COL5A1: variants seen among roughly 807,000 people sequenced by gnomAD.
The protein encoded by COL5A1 is collagen alpha-1(V) chain.
COL5A1 carries 16 observed loss-of-function variants against 263.7 expected under a neutral mutation model. That is an observed-to-expected ratio of 0.06 (90% CI 0.04 to 0.09). COL5A1 has a LOEUF of 0.09. Ranked by LOEUF, COL5A1 falls within the 10% of genes least tolerant of loss-of-function variation. COL5A1 has a pLI of 1.00. For missense variants in COL5A1, 2,036 were observed against 2,540.5 expected (o/e 0.80, Z 4.27); for synonymous variants, 1,012 against 1,004.5 (o/e 1.01, Z -0.14).
intron 64 of COL5A1, among the ~76,000 whole-genome samples, chr9:134,831,405 CCTCTCCTGCTTTT>C (rs1839619580): frequency 6.6e-6 from 1 of 152,224 alleles, no homozygotes; most frequent in African/African-American, 2.4e-5. Context: ...CTCCTCCTTT[CCTCTCCTGCTTTT>C]CCTTTTCCCC....
Position 134,686,010 on chromosome 9 carries a change from A to C in COL5A1, c.110-4902A>C, listed in dbSNP as rs969341259. Among the ~76,000 whole-genome samples, 4 of 151,888 alleles carry C rather than the reference A, an allele frequency of 2.6e-5. No homozygotes were observed. The highest frequency in any genetic ancestry group is 9.7e-5 in the African/African-American group (4 of 41,316). On this transcript the variant is annotated intron_variant, in intron 1 of 65. Transcript: ENST00000371817. The surrounding 1 kb of genome is among the most constrained non-coding windows in gnomAD (Gnocchi z 4.6). Reference sequence around the variant, plus strand: ...CATCCACCCACCCATCCATCCATTCATCCATCCATCCATTCATCCATCTAT... The same window carrying C: ...CATCCACCCACCCATCCATCCATTCCTCCATCCATCCATTCATCCATCTAT...
chr9:134,797,735 G>A (rs530936261), intron 36 of COL5A1, among the ~76,000 whole-genome samples: 1 of 152,066 alleles, frequency 6.6e-6, no homozygotes, highest in South Asian at 2.1e-4. Flanking sequence ...CACCTGCCTC[G>A]GCCTCCCAAA....
At chr9:134,731,897 G>T (rs913140501) in intron 8 of COL5A1, among the ~76,000 whole-genome samples, 174 bp from the exon 9 acceptor site, 6 of 152,206 alleles carry the variant, frequency 3.9e-5, no homozygotes, top group Admixed American at 6.5e-5. Flanking sequence ...TAGTCACATG[G>T]GCTCCCGTGG....
At position 134,677,282 on chromosome 9, in the gene COL5A1, G is replaced by A. The variant is rs533662279; in HGVS notation, c.110-13630G>A. Among the ~76,000 whole-genome samples, 5 of 152,142 alleles carry A rather than the reference G, an allele frequency of 3.3e-5. No individual in the cohort carries two copies. The highest frequency in any genetic ancestry group is 2.1e-4 in the South Asian group (1 of 4,810). ...TCTCAGCTACCAGTCATGGCTTCTC[G>A]GGGAAGGCAGGCCCTGGTATTACAC... On this transcript the variant is annotated intron_variant, in intron 1 of 65. Transcript: ENST00000371817. The surrounding 1 kb of genome is among the most constrained non-coding windows in gnomAD (Gnocchi z 4.4).
At chr9:134,710,434 G>A (rs1234272010) in intron 4 of COL5A1, among the ~76,000 whole-genome samples, 3 of 152,260 alleles carry the variant, frequency 2.0e-5, no homozygotes, top group Admixed American at 6.5e-5. Context: ...GCTCCCCATC[G>A]AGACGCCCCG....
In COL5A1 at chr9:134,821,702, G is replaced by T. The variant is rs183107663; in HGVS notation, c.4555-395G>T. ...CAACCCCTCCGGGCTTAGTTCTAGA[G>T]GGGAGACTAACACCATGAGCAGGAA... On this transcript the variant is annotated intron_variant, in intron 58 of 65. Coordinates refer to ENST00000371817, the MANE Select transcript of COL5A1 (RefSeq NM_000093.5). This position sits in a 1 kb window ranked among gnomAD's most constrained non-coding sequence, Gnocchi z 4.2. Among the ~76,000 whole-genome samples, 1 of 152,220 alleles carries T rather than the reference G, an allele frequency of 6.6e-6. No individual in the cohort carries two copies. The highest frequency in any genetic ancestry group is 1.5e-5 in the Non-Finnish European group (1 of 68,040).
At chr9:134,645,154 C>A (rs577763565) in intron 1 of COL5A1, among the ~76,000 whole-genome samples, 1 of 152,318 alleles carries the variant, frequency 6.6e-6, no homozygotes, top group East Asian at 1.9e-4. Context: ...GCTCCCAGTG[C>A]CAGGCTCACA....
rs1350574695 is a variant in COL5A1, at chr9:134,647,723, C to T, written c.109+5427C>T. On this transcript the variant is annotated intron_variant, in intron 1 of 65. Transcript: ENST00000371817. This position sits in a 1 kb window ranked among gnomAD's most constrained non-coding sequence, Gnocchi z 5.0. ...CGGGTCCAGCTGGATCCGACAATTTCATGTCTTTTTAAACTCCCGGGAGGG... is the reference window on the plus strand; with the variant it reads ...CGGGTCCAGCTGGATCCGACAATTTTATGTCTTTTTAAACTCCCGGGAGGG... 1.3e-5 allele frequency among the ~76,000 whole-genome samples: 2 copies of T among 152,214 alleles called. No homozygotes were observed. The highest frequency in any genetic ancestry group is 4.8e-5 in the African/African-American group (2 of 41,454).
intron 11 of COL5A1, among the ~76,000 whole-genome samples, chr9:134,744,812 C>T (rs1033596373): frequency 2.2e-4 from 33 of 152,156 alleles, no homozygotes; most frequent in East Asian, 9.7e-4. Flanking sequence ...TACACACATT[C>T]GCACACTCAT....
intron 6 of COL5A1, among the ~76,000 whole-genome samples, chr9:134,729,569 T>A (rs1209083247): frequency 7.0e-5 from 4 of 57,308 alleles, no homozygotes; most frequent in Admixed American, 2.2e-4. Context: ...CCTGTGTGTG[T>A]GAGCGTGTGT....
chr9:134,832,971 C>G (rs981842107), intron 64 of COL5A1: 3 of 152,318 alleles, frequency 2.0e-5, no homozygotes, highest in Non-Finnish European at 4.4e-5. Flanking sequence ...AGTTCCCTTC[C>G]TCTGTTCAAT....
chr9:134,790,489 T>TCCACCCAC (rs1358310118), intron 32 of COL5A1, among the ~76,000 whole-genome samples: 2 of 49,894 alleles, frequency 4.0e-5, no homozygotes, highest in Non-Finnish European at 7.3e-5. Flanking sequence ...CATCCACCCA[T>TCCACCCAC]CCACCCACCC....
intron 13 of COL5A1, 90 bp from the exon 14 acceptor site, chr9:134,752,499 C>A: frequency 1.0e-6 from 1 of 974,276 alleles, no homozygotes; most frequent in Non-Finnish European, 1.7e-6. Flanking sequence ...TCTGCCCGTT[C>A]CCTCCTGCCA....
At chr9:134,717,475 G>T (rs992715363) in intron 4 of COL5A1, among the ~76,000 whole-genome samples, 20 of 152,204 alleles carry the variant, frequency 1.3e-4, no homozygotes, top group African/African-American at 4.6e-4. Context: ...AGCCAGCAAG[G>T]GGCAGGATTC....
intron 14 of COL5A1, 62 bp downstream of exon 14, chr9:134,752,707 G>A (rs539320229): frequency 8.1e-5 from 110 of 1,350,458 alleles, no homozygotes; most frequent in African/African-American, 6.6e-4. Context: ...TCCCTGTGTC[G>A]TTGGCGGACA....
chr9:134,750,726 G>A lies in COL5A1; in HGVS notation c.1570-64G>A, dbSNP rs1168025110. The A allele has an allele frequency of 2.5e-6, 4 of 1,601,230 alleles. No homozygotes were observed. In the African/African-American group the frequency reaches 5.4e-5, roughly 21 times the overall value. On this transcript the variant is annotated intron_variant, in intron 12 of 65. Transcript: ENST00000371817. ...GGAGAGGCCTGTGGGCCCCGTCTCA[G>A]TCTGTGGTCTTGCCTGGGTGCCACG...
intron 1 of COL5A1, among the ~76,000 whole-genome samples, chr9:134,656,601 G>A (rs928300076): frequency 7.9e-5 from 12 of 152,106 alleles, no homozygotes; most frequent in South Asian, 2.1e-4. Flanking sequence ...GCAGGACATC[G>A]TCCCGTGCAG....
intron 52 of COL5A1, among the ~76,000 whole-genome samples, chr9:134,816,697 C>A (rs1276775627): frequency 6.6e-6 from 1 of 152,242 alleles, no homozygotes; most frequent in Non-Finnish European, 1.5e-5. Context: ...TTCTTGTCCC[C>A]CCTTCTGTGA....
At position 134,818,832 on chromosome 9, in the gene COL5A1, C is replaced by A. The variant is rs907160499; in HGVS notation, c.4339-16C>A. 6.2e-7 allele frequency: 1 copy of A among 1,612,996 alleles called. No individual in the cohort carries two copies. Among genetic ancestry groups the A allele is most frequent in the African/African-American group, 1.3e-5 (1 of 74,888 alleles). ...CGGGGGACCAGCAACTCATGCAGAG[C>A]GTCTCTGTGTTTCAGGGAGAACAAG... On this transcript the variant is annotated splice_polypyrimidine_tract_variant and intron_variant, in intron 55 of 65. Transcript: ENST00000371817. The surrounding 1 kb of genome is among the most constrained non-coding windows in gnomAD (Gnocchi z 6.0).
Sources: allele counts gnomAD v4.1 joint callset (sites outside exome capture counted in the v4.1 genomes callset), GRCh38; gene constraint gnomAD v4.1.1; non-coding constraint Gnocchi (gnomAD v3.1); transcripts MANE v1.5; gene names NCBI Gene and HGNC (gene_info 2026-07-23, HGNC 2026-07-21).